The following ZBTB14 variants were observed in gnomAD, a reference collection of about 807,000 sequenced individuals.
The protein encoded by ZBTB14 is zinc finger and BTB domain containing 14.
ZBTB14 carries 8 observed loss-of-function variants against 29.5 expected under a neutral mutation model. The ratio of observed to expected loss-of-function variants is 0.27; its 90% CI spans 0.16 to 0.49. The LOEUF (loss-of-function observed/expected upper bound fraction) is 0.49, where lower values mean the gene tolerates loss of function less well. ZBTB14 is among the 20% of genes least tolerant of loss of function. The pLI is 0.99. For missense variants in ZBTB14, 333 were observed against 563.8 expected (o/e 0.59, Z 4.15); for synonymous variants, 226 against 207.2 (o/e 1.09, Z -0.78).
chr18:5,293,125 G>T, intron 3 of ZBTB14, 119 bp downstream of exon 3: 6 of 1,077,554 alleles, frequency 5.6e-6, no homozygotes, highest in South Asian at 2.0e-5. Flanking sequence ...ACTTTTATTC[G>T]GCTAATATTT....
In ZBTB14 at chr18:5,294,020, C is replaced by G. The variant is rs1362027856; in HGVS notation, c.-111-19G>C. 6.6e-6 allele frequency: 1 copy of G among 152,204 alleles called. No homozygotes were observed. Among genetic ancestry groups the G allele is most frequent in the Non-Finnish European group, 1.5e-5 (1 of 68,054 alleles). 9.4% of individuals were successfully genotyped at this position (152,204 alleles called of 1,614,324 possible). ...CCATATCCTGAAAAACAAAAAGTTT[C>G]CTCTACTGAACAGTGACCACACAGA... On this transcript the variant is annotated intron_variant, in intron 1 of 3. Transcript: ENST00000651870.
At position 5,290,900 on chromosome 18, in the gene ZBTB14, A is replaced by G. The variant is rs889541329; in HGVS notation, c.1308T>C (p.Ala436=). The G allele has an allele frequency of 6.2e-7, 1 of 1,614,256 alleles. No individual in the cohort carries two copies. The highest frequency in any genetic ancestry group is 8.5e-7 in the Non-Finnish European group (1 of 1,180,042). The change falls in exon 4 of 4, where the codon GCT becomes GCC. Residue 436 remains alanine (A), a synonymous_variant. Coordinates refer to ENST00000651870, the MANE Select transcript of ZBTB14 (RefSeq NM_001243702.2). ...TCTCCAGCTGCTGTTCTGCTTCCGC[A>G]GCCATCGCTGCCGCCTGCAACTGTT... ...ETEQLQAAAM[A]AEAEQQLETI... is the part of the protein sequence containing the mutation.
intron 3 of ZBTB14, 134 bp downstream of exon 3, chr18:5,293,110 G>C: frequency 2.0e-6 from 2 of 995,990 alleles, no homozygotes; most frequent in Middle Eastern, 3.4e-4. Flanking sequence ...TAAAAACATT[G>C]TTTTACTTTT....
At chr18:5,295,234 C>T (rs1190166396) in intron 1 of ZBTB14, among the ~76,000 whole-genome samples, 2 of 145,020 alleles carry the variant, frequency 1.4e-5, no homozygotes, top group African/African-American at 4.9e-5. Flanking sequence ...AGCTCGCGCC[C>T]CGCGCACTCC....
chr18:5,296,328 C>G (rs983527285), upstream of ZBTB14: 1 of 150,198 alleles, frequency 6.7e-6, no homozygotes, highest in Non-Finnish European at 1.5e-5. Context: ...AACTTAAGCA[C>G]GAGCGCTGCT....
chr18:5,294,771 G>A (rs1431955065), intron 1 of ZBTB14: 1 of 152,206 alleles, frequency 6.6e-6, no homozygotes, highest in Non-Finnish European at 1.5e-5. Flanking sequence ...AGTGCAGGGA[G>A]CCGGGCTTCC....
rs2071791812 is a variant in ZBTB14 at position 5,290,672 on chromosome 18, G to T, written c.*186C>A. The T allele has an allele frequency of 2.4e-6, 2 of 821,554 alleles. No homozygotes were observed. The highest frequency in any genetic ancestry group is 3.7e-6 in the Non-Finnish European group (2 of 544,612). 50.9% of individuals were successfully genotyped at this position (821,554 alleles called of 1,614,324 possible). On this transcript the variant is annotated 3_prime_UTR_variant, in exon 4 of 4. Transcript: ENST00000651870. ...ACCAGACAAGACAGTGAAACGGTTT[G>T]GTCAGAACTGAGGAACACCATTTCC... is the stretch of plus-strand genomic sequence containing the variant.
chr18:5,294,187 A>G (rs9957998), intron 1 of ZBTB14, among the ~76,000 whole-genome samples, 186 bp from the exon 2 acceptor site: 65,489 of 152,100 alleles, frequency 0.43, 14,663 homozygotes, highest in Middle Eastern at 0.57. Flanking sequence ...ACACCGAGCT[A>G]CCCAGCGTAG....
chr18:5,293,570 G>A lies in ZBTB14; in HGVS notation c.-81-243C>T, dbSNP rs530735890. 1.1e-5 allele frequency: 3 copies of A among 264,254 alleles called. No individual in the cohort carries two copies. In the South Asian group the frequency reaches 3.6e-4, roughly 32 times the overall value. The allele number at this position is 264,254 out of a possible 1,614,324, so 16.4% of individuals were successfully genotyped here. ...TGTGCCCTAGGAACTGGAAGGAGGG[G>A]TTGGAGAACCATTAAGGGATTTCTC... is the stretch of plus-strand genomic sequence containing the variant. On this transcript the variant is annotated intron_variant, in intron 2 of 3. Transcript: ENST00000651870.
At chr18:5,295,411 G>A (rs1194489848) in intron 1 of ZBTB14, among the ~76,000 whole-genome samples, 2 of 145,210 alleles carry the variant, frequency 1.4e-5, no homozygotes, top group East Asian at 2.0e-4. Flanking sequence ...CCCGCGGCTC[G>A]GAGGGGCGGC....
rs1194557917 is a variant in ZBTB14, at chr18:5,290,810, T to C, written c.*48A>G. Reference sequence around the variant, plus strand: ...TGGCATTCACTCATTATGATCCACGTCATCTCAGTCTCCACTTTCCAGGCA... The same window carrying C: ...TGGCATTCACTCATTATGATCCACGCCATCTCAGTCTCCACTTTCCAGGCA... On this transcript the variant is annotated 3_prime_UTR_variant, in exon 4 of 4. Coordinates refer to ENST00000651870, the MANE Select transcript of ZBTB14 (RefSeq NM_001243702.2). 1 of 1,579,726 alleles carries C rather than the reference T, an allele frequency of 6.3e-7. No individual in the cohort carries two copies. The highest frequency in any genetic ancestry group is 8.6e-7 in the Non-Finnish European group (1 of 1,163,992).
At chr18:5,294,902 G>C (rs1191101983) in intron 1 of ZBTB14, 7 of 152,174 alleles carry the variant, frequency 4.6e-5, no homozygotes, top group Non-Finnish European at 1.0e-4. Context: ...GGAGGAAGCA[G>C]GGAGCCAAGC....
upstream of ZBTB14, chr18:5,295,952 G>C (rs1381812707): frequency 1.3e-5 from 2 of 151,664 alleles, no homozygotes; most frequent in Admixed American, 6.6e-5. Flanking sequence ...AGTTTGGGGA[G>C]GGGGCGGGGT....
Position 5,292,025 on chromosome 18 carries a change from A to T in ZBTB14, c.183T>A (p.Phe61Leu), listed in dbSNP as rs1372314719. 3 of 1,613,304 alleles carry T rather than the reference A, an allele frequency of 1.9e-6. No individual in the cohort carries two copies. The Admixed American group carries it at 5.0e-5, about 27-fold the overall frequency. Reference protein sequence around the residue: ...RCVLAACSTYFKKLFKKLEVD... With the variant: ...RCVLAACSTYLKKLFKKLEVD... ...CCTCAAGCTTCTTGAAAAGCTTTTT[A>T]AAGTAAGTGCTGCAGGCAGCAAGAA... The change falls in exon 4 of 4, where the codon TTT (phenylalanine) becomes TTA (leucine). Residue 61 changes from phenylalanine (F) to leucine (L), a missense_variant. Coordinates refer to ENST00000651870, the MANE Select transcript of ZBTB14 (RefSeq NM_001243702.2).
At chr18:5,294,804 AGCAGCT>A (rs2071905880) in intron 1 of ZBTB14, 1 of 151,494 alleles carries the variant, frequency 6.6e-6, no homozygotes, top group Non-Finnish European at 1.5e-5. Flanking sequence ...AACTTACATA[AGCAGCT>A]GCAGCCGCCT....
At chr18:5,294,708 G>A (rs1003657008) in intron 1 of ZBTB14, 1 of 152,328 alleles carries the variant, frequency 6.6e-6, no homozygotes, top group African/African-American at 2.4e-5. Flanking sequence ...TTCATAATAA[G>A]GCTGCCCCTT....
At chr18:5,295,130 G>GCGGCGGCCCC (rs1415519999) in intron 1 of ZBTB14, among the ~76,000 whole-genome samples, 1 of 146,986 alleles carries the variant, frequency 6.8e-6, no homozygotes, top group East Asian at 2.0e-4. Flanking sequence ...ACTGCGGCCC[G>GCGGCGGCCCC]CGGCGGCCCC....
intron 3 of ZBTB14, among the ~76,000 whole-genome samples, chr18:5,292,509 T>A (rs994954163): frequency 2.6e-5 from 4 of 152,224 alleles, no homozygotes; most frequent in Non-Finnish European, 4.4e-5. Context: ...TCACTATCCT[T>A]ATTTTAGAGA....
In ZBTB14 at chr18:5,291,835, A is replaced by T; in HGVS notation, c.373T>A (p.Ser125Thr). The T allele has an allele frequency of 1.9e-6, 3 of 1,614,132 alleles. No individual in the cohort carries two copies. The highest frequency in any genetic ancestry group is 2.5e-6 in the Non-Finnish European group (3 of 1,180,002). ...LGIRFLDKLC[S>T]QKRDVSSPDE... ...GGACTGGACACATCACGCTTCTGAG[A>T]ACACAGTTTATCCAAAAATCGGATA... The change falls in exon 4 of 4, where the codon TCT becomes ACT. Residue 125 changes from serine to threonine, a missense_variant. Physicochemically the swap from Ser to Thr is moderately conservative, Grantham distance 58 (BLOSUM62 1). Transcript: ENST00000651870. This position sits in a 1 kb window ranked among gnomAD's most constrained non-coding sequence, Gnocchi z 5.8.
Sources: gnomAD v4.1 joint callset for allele counts (sites outside exome capture counted in the v4.1 genomes callset) on GRCh38, gnomAD v4.1.1 for gene constraint, Gnocchi (gnomAD v3.1) non-coding constraint, MANE v1.5 for transcripts, NCBI Gene and HGNC (gene_info 2026-07-23, HGNC 2026-07-21) for gene names.